The following IGF2BP3 variants were observed in gnomAD, a reference collection of about 807,000 sequenced individuals.
The protein encoded by IGF2BP3 is insulin like growth factor 2 mRNA binding protein 3.
Under a neutral mutation model 73.8 loss-of-function variants are expected in IGF2BP3, and 9 were observed. That is an observed-to-expected ratio of 0.12 (90% CI 0.07 to 0.21). The LOEUF is 0.21. IGF2BP3 is among the 10% of genes least tolerant of loss of function. The pLI is 1.00. For missense variants in IGF2BP3, 542 were observed against 714.0 expected, an observed-to-expected ratio of 0.76 and a Z score of 2.75; for synonymous variants, 258 against 256.7, an observed-to-expected ratio of 1.01 and a Z score of -0.05.
chr7:23,313,646 C>T lies in IGF2BP3; in HGVS notation c.1403G>A (p.Gly468Glu), dbSNP rs1374990867. The change falls in exon 13 of 15, where the codon GGA becomes GAA. Residue 468 changes from glycine to glutamate, a missense_variant. Physicochemically the swap from Gly to Glu is moderately conservative, Grantham distance 98 (BLOSUM62 -2). Transcript: ENST00000258729. Reference protein sequence around the residue: ...GPPEAQFKAQGRIYGKIKEEN... With the variant: ...GPPEAQFKAQERIYGKIKEEN... ...TTCTTTAATTTTTCCATAAATTCTT[C>T]CCTGAGCCTGCAGATGAAAACACAT... is the stretch of plus-strand genomic sequence containing the variant. 5.0e-6 allele frequency: 8 copies of T among 1,613,314 alleles called. No homozygotes were observed. Among genetic ancestry groups the T allele is most frequent in the Non-Finnish European group, 6.8e-6 (8 of 1,179,924 alleles).
intron 2 of IGF2BP3, among the ~76,000 whole-genome samples, chr7:23,443,728 G>A (rs540959178): frequency 7.2e-5 from 11 of 152,070 alleles, no homozygotes; most frequent in African/African-American, 2.7e-4. Context: ...AGATTTTCTG[G>A]GCTGGGCACA....
chr7:23,460,088 C>T (rs1044045946), intron 2 of IGF2BP3, among the ~76,000 whole-genome samples: 5 of 128,252 alleles, frequency 3.9e-5, no homozygotes, highest in African/African-American at 1.2e-4. Flanking sequence ...AAAAAATTAG[C>T]CAGACGAGGA....
At chr7:23,468,852 AC>A (rs973991681) in intron 1 of IGF2BP3, among the ~76,000 whole-genome samples, 2 of 151,988 alleles carry the variant, frequency 1.3e-5, no homozygotes, top group African/African-American at 4.8e-5. Flanking sequence ...GACGCGGCCC[AC>A]CCTCTCACCG....
At chr7:23,314,181 C>CT (rs1783910817) in intron 12 of IGF2BP3, among the ~76,000 whole-genome samples, 1 of 148,892 alleles carries the variant, frequency 6.7e-6, no homozygotes, top group African/African-American at 2.5e-5. Context: ...CCACACCTGA[C>CT]TTATTTTTTT....
intron 2 of IGF2BP3, among the ~76,000 whole-genome samples, chr7:23,433,717 A>C (rs1297842743): frequency 6.6e-6 from 1 of 151,318 alleles, no homozygotes; most frequent in Non-Finnish European, 1.5e-5. Context: ...TATTGAACAG[A>C]GCTTATCTAA....
intron 3 of IGF2BP3, among the ~76,000 whole-genome samples, chr7:23,385,963 TATTG>T (rs1786069849): frequency 2.6e-5 from 4 of 152,230 alleles, no homozygotes. Context: ...TATGTGATGA[TATTG>T]ATTTTTTTAA....
At chr7:23,377,870 C>T (rs1301562477) in intron 3 of IGF2BP3, among the ~76,000 whole-genome samples, 1 of 152,068 alleles carries the variant, frequency 6.6e-6, no homozygotes, top group Non-Finnish European at 1.5e-5. Context: ...TATATGATTC[C>T]TTTTATATTA....
chr7:23,411,983 TC>T (rs150296410), intron 3 of IGF2BP3, among the ~76,000 whole-genome samples: 98 of 145,068 alleles, frequency 6.8e-4, no homozygotes, highest in African/African-American at 2.5e-3. Flanking sequence ...CACTTATTTC[TC>T]TTTTTTTTTT....
At chr7:23,321,226 G>A (rs1784137350) in intron 10 of IGF2BP3, among the ~76,000 whole-genome samples, 1 of 152,208 alleles carries the variant, frequency 6.6e-6, no homozygotes, top group South Asian at 2.1e-4. Context: ...CACCATGGGT[G>A]AGCCGAAGCA....
At chr7:23,321,386 A>G (rs1784144401) in intron 10 of IGF2BP3, among the ~76,000 whole-genome samples, 1 of 152,250 alleles carries the variant, frequency 6.6e-6, no homozygotes, top group Non-Finnish European at 1.5e-5. Context: ...ACGGCACACC[A>G]GGAGATTATA....
chr7:23,326,432 G>T (rs993438992), intron 10 of IGF2BP3, among the ~76,000 whole-genome samples: 1 of 151,846 alleles, frequency 6.6e-6, no homozygotes, highest in African/African-American at 2.4e-5. Context: ...TGCTGGAGAG[G>T]ATGTGGAGAA....
At chr7:23,341,822 C>T (rs1784720372) in intron 10 of IGF2BP3, among the ~76,000 whole-genome samples, 1 of 151,904 alleles carries the variant, frequency 6.6e-6, no homozygotes, top group African/African-American at 2.4e-5. Context: ...TACTAAGTTT[C>T]TTCCCCTGCC....
In IGF2BP3 at chr7:23,364,583, G is replaced by C. The variant is rs375155271; in HGVS notation, c.286-2842C>G. 8.3e-4 allele frequency among the ~76,000 whole-genome samples: 124 copies of C among 150,230 alleles called. 7 individuals are homozygous for C. The South Asian group carries it at 0.022, about 27-fold the overall frequency. On this transcript the variant is annotated intron_variant, in intron 3 of 14. Transcript: ENST00000258729. ...AAAAAAAAAAAAAAGCGGGAGGTTG[G>C]GGGGTGGGGGGTGGCGGTGCAGTGG...
chr7:23,422,648 T>A (rs895126052), intron 2 of IGF2BP3, among the ~76,000 whole-genome samples: 7 of 152,222 alleles, frequency 4.6e-5, no homozygotes. Flanking sequence ...CTACCCACTC[T>A]TCAAAATTTA....
intron 3 of IGF2BP3, among the ~76,000 whole-genome samples, chr7:23,409,765 G>A (rs962086044): frequency 6.6e-6 from 1 of 152,148 alleles, no homozygotes; most frequent in Non-Finnish European, 1.5e-5. Flanking sequence ...AAGACAATAG[G>A]AGAAAACCTT....
chr7:23,336,180 T>C (rs543161929), intron 10 of IGF2BP3, among the ~76,000 whole-genome samples: 17 of 148,290 alleles, frequency 1.1e-4, no homozygotes, highest in Admixed American at 3.3e-4. Flanking sequence ...AAGGAAGTAG[T>C]ATATATTAAA....
intron 3 of IGF2BP3, among the ~76,000 whole-genome samples, chr7:23,393,261 C>T (rs1423733415): frequency 6.6e-6 from 1 of 152,174 alleles, no homozygotes; most frequent in East Asian, 1.9e-4. Context: ...TTAAATCAGA[C>T]AACTCGTTCA....
Position 23,351,307 on chromosome 7 carries a change from A to T in IGF2BP3, c.681T>A (p.Ser227=). The T allele has an allele frequency of 1.9e-6, 3 of 1,613,780 alleles. No homozygotes were observed. Among genetic ancestry groups the T allele is most frequent in the Non-Finnish European group, 2.5e-6 (3 of 1,179,796 alleles). ...TIRNITKQTQ[S]KIDVHRKENA... ...CACCACACACTCAGCATACTCACTTAGACTGGGTCTGTTTGGTGATGTTCC... is the reference window on the plus strand; with the variant it reads ...CACCACACACTCAGCATACTCACTTTGACTGGGTCTGTTTGGTGATGTTCC... Residue 227 remains serine (S), a splice_region_variant and synonymous_variant, in exon 6 of 15, where the codon TCT becomes TCA. Coordinates refer to ENST00000258729, the MANE Select transcript of IGF2BP3 (RefSeq NM_006547.3).
intron 11 of IGF2BP3, 46 bp from the exon 12 acceptor site, chr7:23,317,759 GAT>G (rs780310101): frequency 6.7e-7 from 1 of 1,487,822 alleles, no homozygotes; most frequent in South Asian, 1.1e-5. Flanking sequence ...AGGTATCACT[GAT>G]AGGCATCTTG....
Sources: gnomAD v4.1 joint callset for allele counts (sites outside exome capture counted in the v4.1 genomes callset) on GRCh38, gnomAD v4.1.1 for gene constraint, MANE v1.5 for transcripts, NCBI Gene and HGNC (gene_info 2026-07-23, HGNC 2026-07-21) for gene names.